GFPT2: variants seen among roughly 807,000 people sequenced by gnomAD.
GFPT2 encodes the protein glutamine--fructose-6-phosphate aminotransferase [isomerizing] 2.
In GFPT2, 62 loss-of-function variants were observed where a neutral mutation model predicts 85.6. The observed-to-expected ratio is 0.72, with a 90% confidence interval of 0.59 to 0.90. GFPT2 has a LOEUF of 0.90. GFPT2 is among the 40% of genes least tolerant of loss of function. GFPT2 has a pLI of 0.00. For missense variants in GFPT2, 788 were observed against 893.4 expected (o/e 0.88, Z 1.50); for synonymous variants, 368 against 344.5 (o/e 1.07, Z -0.75).
At chr5:180,314,529 A>G (rs1044884555) in intron 13 of GFPT2, among the ~76,000 whole-genome samples, 1 of 152,236 alleles carries the variant, frequency 6.6e-6, no homozygotes, top group Admixed American at 6.5e-5. Context: ...TGTGAGTCCT[A>G]AAGCACTCAA....
At position 180,335,946 on chromosome 5, in the gene GFPT2, G is replaced by A. The variant is rs1348160652; in HGVS notation, c.222C>T (p.Asp74=). 6.4e-7 allele frequency: 1 copy of A among 1,567,788 alleles called. No individual in the cohort carries two copies. The highest frequency in any genetic ancestry group is 2.4e-5 in the East Asian group (1 of 42,212). ...CAAACTCCACTTTTAAGTCCATGCT[G>A]TCTTGTTCTAAATGAAAGGAAAATC... The part of the protein sequence containing the change: ...KALDEELYKQ[D]SMDLKVEFET... The change falls in exon 4 of 19, where the codon GAC becomes GAT. Residue 74 remains aspartate, a synonymous_variant. Coordinates refer to ENST00000253778, the MANE Select transcript of GFPT2 (RefSeq NM_005110.4).
At chr5:180,347,745 C>T (rs924615490) in intron 1 of GFPT2, among the ~76,000 whole-genome samples, 17 of 152,032 alleles carry the variant, frequency 1.1e-4, no homozygotes, top group African/African-American at 4.1e-4. Flanking sequence ...CCCTGGACAC[C>T]CAGCCAGAAG....
At chr5:180,352,731 G>A (rs763492603) in intron 1 of GFPT2, 1 of 405,060 alleles carries the variant, frequency 2.5e-6, no homozygotes. Flanking sequence ...GGGCTGCGGG[G>A]ACGGCGGGGC....
At chr5:180,334,087 C>A (rs1448374453) in intron 4 of GFPT2, among the ~76,000 whole-genome samples, 5 of 152,216 alleles carry the variant, frequency 3.3e-5, no homozygotes, top group Non-Finnish European at 1.5e-5. Context: ...GGTCTGCTGT[C>A]CTCCTCCTGG....
At chr5:180,309,367 A>G (rs2386854) in intron 15 of GFPT2, among the ~76,000 whole-genome samples, 30,444 of 152,196 alleles carry the variant, frequency 0.2, 3,380 homozygotes, top group East Asian at 0.45. Context: ...TTGCTACTCA[A>G]TGGGATGGCT....
rs546345374 is a variant in GFPT2 at position 180,314,607 on chromosome 5, T to A, written c.1274-643A>T. ...AAATCCTCATGAGTCGGGAGGCTGTTCTGTTTGCAGGGCCACTGCTCTTGG... is the reference window on the plus strand; with the variant it reads ...AAATCCTCATGAGTCGGGAGGCTGTACTGTTTGCAGGGCCACTGCTCTTGG... On this transcript the variant is annotated intron_variant, in intron 13 of 18. Coordinates refer to ENST00000253778, the MANE Select transcript of GFPT2 (RefSeq NM_005110.4). 2.6e-5 allele frequency among the ~76,000 whole-genome samples: 4 copies of A among 152,316 alleles called. No homozygotes were observed. The South Asian group carries it at 6.2e-4, about 24-fold the overall frequency.
intron 14 of GFPT2, among the ~76,000 whole-genome samples, chr5:180,313,322 G>T (rs973444177): frequency 3.9e-5 from 6 of 151,918 alleles, no homozygotes; most frequent in Non-Finnish European, 5.9e-5. Flanking sequence ...CCGGGCACGG[G>T]GGCTCACGCC....
At chr5:180,333,839 G>A (rs987896629) in intron 4 of GFPT2, among the ~76,000 whole-genome samples, 4 of 152,190 alleles carry the variant, frequency 2.6e-5, no homozygotes, top group African/African-American at 9.7e-5. Flanking sequence ...GGCCTCCTGG[G>A]AGCCTCCCTG....
At position 180,328,292 on chromosome 5, in the gene GFPT2, T is replaced by G. The variant is rs779976687; in HGVS notation, c.581A>C (p.Glu194Ala). ...LVFKSVHYPG[E>A]AVATRRGSPL... ...TTTGCCTCACCGTGTGGCAACGGCT[T>G]CTCCTGGGTAGTGGACACTCTTGAA... The change falls in exon 7 of 19, where the codon GAA becomes GCA. Residue 194 changes from glutamate to alanine, a missense_variant. Coordinates refer to ENST00000253778, the MANE Select transcript of GFPT2 (RefSeq NM_005110.4). This position sits in a 1 kb window ranked among gnomAD's most constrained non-coding sequence, Gnocchi z 5.4. 2.8e-5 allele frequency: 45 copies of G among 1,612,466 alleles called. No homozygotes were observed. The highest frequency in any genetic ancestry group is 3.3e-4 in the Middle Eastern group (2 of 6,070).
chr5:180,301,479 C>T lies in GFPT2; in HGVS notation c.*85G>A. On this transcript the variant is annotated 3_prime_UTR_variant, in exon 19 of 19. Coordinates refer to ENST00000253778, the MANE Select transcript of GFPT2 (RefSeq NM_005110.4). ...GCACGCAGAACATGTGGGATGTCCACTTCTCTTCCCATGTAGCATCCCTGC... is the reference window on the plus strand; with the variant it reads ...GCACGCAGAACATGTGGGATGTCCATTTCTCTTCCCATGTAGCATCCCTGC... 5 of 1,161,918 alleles carry T rather than the reference C, an allele frequency of 4.3e-6. 1 individual carries two copies. The South Asian group carries it at 6.1e-5, about 14-fold the overall frequency. 72.0% of individuals were successfully genotyped at this position (1,161,918 alleles called of 1,614,324 possible).
At chr5:180,315,605 G>A (rs747886061) in intron 13 of GFPT2, among the ~76,000 whole-genome samples, 3 of 152,154 alleles carry the variant, frequency 2.0e-5, no homozygotes, top group Non-Finnish European at 4.4e-5. Context: ...GAGTGTGTCC[G>A]ACCGGCACAA....
Position 180,328,743 on chromosome 5 carries a change from TG to T in GFPT2, c.535-406del, listed in dbSNP as rs1395873273. 6.6e-6 allele frequency among the ~76,000 whole-genome samples: 1 copy of T among 152,184 alleles called. No individual in the cohort carries two copies. Among genetic ancestry groups the T allele is most frequent in the East Asian group, 1.9e-4 (1 of 5,186 alleles). On this transcript the variant is annotated intron_variant, in intron 6 of 18. Transcript: ENST00000253778. The surrounding 1 kb of genome is among the most constrained non-coding windows in gnomAD (Gnocchi z 5.4). ...CTTTAGCTCAACACACGGTAGGGCC[TG>T]GGTTCAAATCCTGGCTCCACCCCTG...
chr5:180,324,670 C>A, intron 8 of GFPT2, 146 bp downstream of exon 8: 4 of 658,720 alleles, frequency 6.1e-6, no homozygotes, highest in South Asian at 1.8e-5. Context: ...TGCACAAAAA[C>A]CTTTTAGACC....
intron 9 of GFPT2, among the ~76,000 whole-genome samples, chr5:180,322,896 C>A (rs1458912818): frequency 6.6e-6 from 1 of 151,860 alleles, no homozygotes; most frequent in African/African-American, 2.4e-5. Flanking sequence ...ATTAGCCGGG[C>A]GTGGTGGCGG....
Position 180,324,909 on chromosome 5 carries a change from G to A in GFPT2, c.597-14C>T. The A allele has an allele frequency of 6.4e-7, 1 of 1,562,076 alleles. No individual in the cohort carries two copies. Among genetic ancestry groups the A allele is most frequent in the Non-Finnish European group, 8.8e-7 (1 of 1,132,958 alleles). On this transcript the variant is annotated splice_polypyrimidine_tract_variant and intron_variant, in intron 7 of 18. Coordinates refer to ENST00000253778, the MANE Select transcript of GFPT2 (RefSeq NM_005110.4). ...GGGCTGCCTCTCCTGTAGGGAGAAAGAGGCATCCCATTACCCATTGCCTTT... is the reference window on the plus strand; with the variant it reads ...GGGCTGCCTCTCCTGTAGGGAGAAAAAGGCATCCCATTACCCATTGCCTTT...
chr5:180,323,083 A>G lies in GFPT2; in HGVS notation c.794+1105T>C, dbSNP rs749541526. ...AAACATCTATCATATTTCATTGAAT[A>G]TAAGTTACTATTGATCGTTAAGATC... On this transcript the variant is annotated intron_variant, in intron 9 of 18. Coordinates refer to ENST00000253778, the MANE Select transcript of GFPT2 (RefSeq NM_005110.4). This position sits in a 1 kb window ranked among gnomAD's most constrained non-coding sequence, Gnocchi z 4.0. Among the ~76,000 whole-genome samples, 94 of 152,200 alleles carry G rather than the reference A, an allele frequency of 6.2e-4. No individual in the cohort carries two copies. Among genetic ancestry groups the G allele is most frequent in the Non-Finnish European group, 1.1e-3 (74 of 68,022 alleles).
At chr5:180,340,509 A>AG (rs1764493584) in intron 1 of GFPT2, among the ~76,000 whole-genome samples, 1 of 95,140 alleles carries the variant, frequency 1.1e-5, no homozygotes, top group South Asian at 3.7e-4. Flanking sequence ...CCTGGCCTGC[A>AG]GGTTTTTTTT....
At chr5:180,316,151 C>T (rs1231470356) in intron 13 of GFPT2, among the ~76,000 whole-genome samples, 190 bp downstream of exon 13, 2 of 151,856 alleles carry the variant, frequency 1.3e-5, no homozygotes, top group Non-Finnish European at 3.0e-5. Context: ...GACTGCATGG[C>T]CTTAGACATC....
chr5:180,307,093 C>T (rs986744638), intron 16 of GFPT2, 83 bp downstream of exon 16: 29 of 1,206,328 alleles, frequency 2.4e-5, no homozygotes, highest in Middle Eastern at 2.7e-4. Flanking sequence ...CCAAGCCCAA[C>T]GCCCTGCCCT....
Sources: gnomAD v4.1 joint callset for allele counts (sites outside exome capture counted in the v4.1 genomes callset) on GRCh38, gnomAD v4.1.1 for gene constraint, Gnocchi (gnomAD v3.1) non-coding constraint, MANE v1.5 for transcripts, NCBI Gene and HGNC (gene_info 2026-07-23, HGNC 2026-07-21) for gene names.